The following SPRED2 variants were observed in gnomAD, a reference collection of about 807,000 sequenced individuals.
The protein encoded by SPRED2 is sprouty related EVH1 domain containing 2.
Under a neutral mutation model 43.0 loss-of-function variants are expected in SPRED2, and 47 were observed. That is an observed-to-expected ratio of 1.09 (90% CI 0.87 to 1.40). The LOEUF (loss-of-function observed/expected upper bound fraction) is 1.40, where lower values mean the gene tolerates loss of function less well. SPRED2 is among the 40% of genes most tolerant of loss of function. The pLI is 0.00. For missense variants in SPRED2, 561 were observed against 586.4 expected (o/e 0.96, Z 0.45); for synonymous variants, 225 against 225.7 (o/e 1.00, Z 0.03).
chr2:65,418,832 G>A (rs1305830146), intron 1 of SPRED2, among the ~76,000 whole-genome samples: 2 of 151,920 alleles, frequency 1.3e-5, no homozygotes, highest in African/African-American at 2.4e-5. Flanking sequence ...TGGGATTACA[G>A]GTATGAGCCA....
chr2:65,344,719 C>T lies in SPRED2; in HGVS notation c.204G>A (p.Leu68=). 1 of 1,613,790 alleles carries T rather than the reference C, an allele frequency of 6.2e-7. No homozygotes were observed. The highest frequency in any genetic ancestry group is 8.5e-7 in the Non-Finnish European group (1 of 1,179,732). ...LIHGERQKDK[L]VVLECYVRKD... ...CCACGAGTTGTATGTCTGCCATTAC[C>T]AGTTTGTCTTTCTGTCGTTCACCAT... is the stretch of plus-strand genomic sequence containing the variant. The change falls in exon 2 of 6, where the codon CTG becomes CTA. Residue 68 remains leucine (L), a splice_region_variant and synonymous_variant. Transcript: ENST00000356388.
chr2:65,347,909 C>T (rs999934248), intron 1 of SPRED2, among the ~76,000 whole-genome samples: 2 of 152,168 alleles, frequency 1.3e-5, no homozygotes, highest in African/African-American at 4.8e-5. Flanking sequence ...GCTGCCATCA[C>T]CTTCCATTGA....
At chr2:65,324,185 T>C (rs1052939869) in intron 4 of SPRED2, among the ~76,000 whole-genome samples, 7 of 152,080 alleles carry the variant, frequency 4.6e-5, no homozygotes, top group Admixed American at 4.6e-4. Flanking sequence ...AGGCTTCCAG[T>C]TGCCAGATTC....
At chr2:65,399,287 G>GTATA (rs146898580) in intron 1 of SPRED2, among the ~76,000 whole-genome samples, 2 of 148,706 alleles carry the variant, frequency 1.3e-5, no homozygotes, top group African/African-American at 5.0e-5. Context: ...AAAAAAAGGT[G>GTATA]TATATATATA....
At chr2:65,317,092 C>T (rs1414799043) in intron 4 of SPRED2, among the ~76,000 whole-genome samples, 1 of 152,152 alleles carries the variant, frequency 6.6e-6, no homozygotes, top group Non-Finnish European at 1.5e-5. Context: ...GTTCAACAGG[C>T]AGAGAAGCCC....
At chr2:65,366,966 G>C (rs983660184) in intron 1 of SPRED2, among the ~76,000 whole-genome samples, 2 of 152,184 alleles carry the variant, frequency 1.3e-5, no homozygotes, top group Non-Finnish European at 2.9e-5. Flanking sequence ...GAAATGCCCA[G>C]GAAGCAAATG....
downstream of SPRED2, among the ~76,000 whole-genome samples, chr2:65,307,395 C>G (rs956757515): frequency 1.6e-4 from 25 of 151,970 alleles, no homozygotes; most frequent in African/African-American, 5.8e-4. Context: ...GGGGTTTCAC[C>G]ATGTTGGCCA....
intron 2 of SPRED2, among the ~76,000 whole-genome samples, chr2:65,338,346 G>A (rs1014845565): frequency 6.8e-6 from 1 of 146,634 alleles, no homozygotes; most frequent in East Asian, 2.0e-4. Flanking sequence ...CTCTCATGCC[G>A]GGCCAAAGCT....
intron 1 of SPRED2, among the ~76,000 whole-genome samples, chr2:65,379,409 T>C (rs1675319272): frequency 6.6e-6 from 1 of 152,144 alleles, no homozygotes; most frequent in South Asian, 2.1e-4. Context: ...AGAATTCTCT[T>C]AGGAGGGCAA....
At chr2:65,308,654 C>T (rs1558641861), downstream of SPRED2, 1 of 772,080 alleles carries the variant, frequency 1.3e-6, no homozygotes, top group Non-Finnish European at 1.6e-6. Context: ...TAAAGCATAT[C>T]ATTTAACCTT....
intron 1 of SPRED2, among the ~76,000 whole-genome samples, chr2:65,427,378 T>G (rs1309440485): frequency 6.6e-6 from 1 of 152,210 alleles, no homozygotes; most frequent in Non-Finnish European, 1.5e-5. Context: ...AAGATTCTAA[T>G]TCTGCACAGT....
chr2:65,401,133 A>ATT (rs879716281), intron 1 of SPRED2, among the ~76,000 whole-genome samples: 1 of 142,976 alleles, frequency 7.0e-6, no homozygotes. Flanking sequence ...ACGCCTGGCA[A>ATT]TTTTTTTTTT....
At chr2:65,339,331 C>A (rs1320378093) in intron 2 of SPRED2, among the ~76,000 whole-genome samples, 2 of 151,868 alleles carry the variant, frequency 1.3e-5, no homozygotes, top group African/African-American at 4.8e-5. Flanking sequence ...GTTGCCGTGT[C>A]TGTGTAGAAA....
At chr2:65,328,442 T>C (rs1673709709) in intron 4 of SPRED2, among the ~76,000 whole-genome samples, 1 of 152,172 alleles carries the variant, frequency 6.6e-6, no homozygotes, top group African/African-American at 2.4e-5. Flanking sequence ...CAGCAGAGTG[T>C]GGAACTGAGG....
At chr2:65,421,433 A>G (rs1211389039) in intron 1 of SPRED2, among the ~76,000 whole-genome samples, 1 of 152,234 alleles carries the variant, frequency 6.6e-6, no homozygotes, top group Non-Finnish European at 1.5e-5. Context: ...GAGTTTGTTA[A>G]GAATGCAGAA....
intron 2 of SPRED2, among the ~76,000 whole-genome samples, chr2:65,341,045 G>C (rs558748350): frequency 2.1e-4 from 31 of 149,660 alleles, no homozygotes; most frequent in Non-Finnish European, 4.3e-4. Context: ...GAGAGAAAGG[G>C]GCGGGGTGGT....
At chr2:65,347,483 T>A (rs1334087238) in intron 1 of SPRED2, among the ~76,000 whole-genome samples, 1 of 152,080 alleles carries the variant, frequency 6.6e-6, no homozygotes, top group South Asian at 2.1e-4. Context: ...CACTCTCAGA[T>A]GATGGATGAA....
chr2:65,316,686 T>A, intron 5 of SPRED2, 48 bp downstream of exon 5: 1 of 1,568,484 alleles, frequency 6.4e-7, no homozygotes, highest in Non-Finnish European at 8.7e-7. Context: ...CATTCCAGAA[T>A]CAGAGGCACC....
chr2:65,320,408 C>T (rs1366471843), intron 4 of SPRED2, among the ~76,000 whole-genome samples: 1 of 152,170 alleles, frequency 6.6e-6, no homozygotes, highest in African/African-American at 2.4e-5. Flanking sequence ...ACTCATTAGT[C>T]GATCAGAAAT....
Sources: gnomAD v4.1 joint callset for allele counts (sites outside exome capture counted in the v4.1 genomes callset) on GRCh38, gnomAD v4.1.1 for gene constraint, MANE v1.5 for transcripts, NCBI Gene and HGNC (gene_info 2026-07-23, HGNC 2026-07-21) for gene names.